The following FBXO7 variants were observed in gnomAD, a reference collection of about 807,000 sequenced individuals.
The protein encoded by FBXO7 is F-box only protein 7.
Under a neutral mutation model 50.2 loss-of-function variants are expected in FBXO7, and 31 were observed. The observed-to-expected ratio is 0.62, with a 90% confidence interval of 0.46 to 0.83. The LOEUF (loss-of-function observed/expected upper bound fraction) is 0.83, where lower values mean the gene tolerates loss of function less well. Ranked by LOEUF, FBXO7 falls within the 40% of genes least tolerant of loss-of-function variation. FBXO7 has a pLI of 0.00. For synonymous variants in FBXO7, 256 were observed against 253.1 expected (o/e 1.01, Z -0.11); for missense variants, 667 against 646.6 (o/e 1.03, Z -0.34).
chr22:32,482,285 T>C (rs1294634038), intron 2 of FBXO7, among the ~76,000 whole-genome samples: 2 of 152,212 alleles, frequency 1.3e-5, no homozygotes, highest in Non-Finnish European at 2.9e-5. Flanking sequence ...CTTTGGATCT[T>C]TTCCATAAGC....
intron 1 of FBXO7, chr22:32,475,406 A>C (rs776555635): frequency 5.6e-6 from 9 of 1,611,008 alleles, no homozygotes; most frequent in Non-Finnish European, 6.8e-6. Context: ...TCGGTGAGTC[A>C]TGGCTTCTGG....
At chr22:32,475,461 C>T (rs547959160) in intron 1 of FBXO7, 1 of 1,588,594 alleles carries the variant, frequency 6.3e-7, no homozygotes, top group Admixed American at 1.7e-5. Flanking sequence ...CGCACAATTT[C>T]CACAACTGGT....
At chr22:32,483,314 C>T (rs150183176) in intron 2 of FBXO7, among the ~76,000 whole-genome samples, 88 of 152,260 alleles carry the variant, frequency 5.8e-4, no homozygotes, top group African/African-American at 2.0e-3. Flanking sequence ...ACACTTATTC[C>T]GTGTGCACCA....
intron 8 of FBXO7, among the ~76,000 whole-genome samples, chr22:32,496,354 G>C (rs2146006824): frequency 6.6e-6 from 1 of 152,036 alleles, no homozygotes; most frequent in Non-Finnish European, 1.5e-5. Flanking sequence ...TGGTGGTGTG[G>C]ACCTGTAATC....
chr22:32,475,178 G>T, intron 1 of FBXO7, 54 bp downstream of exon 1: 1 of 1,527,388 alleles, frequency 6.5e-7, no homozygotes, highest in South Asian at 1.2e-5. Flanking sequence ...TGCTTGGGGT[G>T]GGTGCAGGGC....
At chr22:32,492,737 C>A in intron 6 of FBXO7, 2 of 267,584 alleles carry the variant, frequency 7.5e-6, no homozygotes, top group East Asian at 1.0e-4. Flanking sequence ...ATATAAAAGC[C>A]AGTGAATTAT....
chr22:32,490,840 C>T (rs2145999883), intron 5 of FBXO7: 1 of 461,512 alleles, frequency 2.2e-6, no homozygotes. Flanking sequence ...CAACTGCAGC[C>T]TATGAGCTAG....
chr22:32,494,094 T>C (rs568486468), intron 7 of FBXO7, among the ~76,000 whole-genome samples: 1 of 124,254 alleles, frequency 8.0e-6, no homozygotes, highest in African/African-American at 3.2e-5. Flanking sequence ...ATGTGGTGGG[T>C]AGATAGCTCC....
rs1206966123 is a variant in FBXO7 at position 32,498,176 on chromosome 22, A to G, written c.1215A>G (p.Glu405=). ...GGAAGAGGCACATACAAAGAAAAGA[A>G]TCCCCGAAAGGGCGGTTTGTGATGC... ...LYRKRHIQRK[E]SPKGRFVMLL... The change falls in exon 9 of 9, where the codon GAA becomes GAG. Residue 405 remains glutamate, a synonymous_variant. Coordinates refer to ENST00000266087, the MANE Select transcript of FBXO7 (RefSeq NM_012179.4). 1 of 1,614,128 alleles carries G rather than the reference A, an allele frequency of 6.2e-7. No homozygotes were observed. The highest frequency in any genetic ancestry group is 8.5e-7 in the Non-Finnish European group (1 of 1,180,050).
rs1214306569 is a variant in FBXO7, at chr22:32,498,177, T to C, written c.1216T>C (p.Ser406Pro). The C allele has an allele frequency of 1.2e-6, 2 of 1,614,048 alleles. No homozygotes were observed. The highest frequency in any genetic ancestry group is 1.7e-6 in the Non-Finnish European group (2 of 1,180,022). ...GAAGAGGCACATACAAAGAAAAGAATCCCCGAAAGGGCGGTTTGTGATGCT... is the reference window on the plus strand; with the variant it reads ...GAAGAGGCACATACAAAGAAAAGAACCCCCGAAAGGGCGGTTTGTGATGCT... ...YRKRHIQRKE[S>P]PKGRFVMLLP... The change falls in exon 9 of 9, where the codon TCC becomes CCC. Residue 406 changes from serine (S) to proline (P), a missense_variant. Transcript: ENST00000266087.
intron 5 of FBXO7, chr22:32,489,607 C>G (rs891023980): frequency 6.6e-6 from 1 of 152,180 alleles, no homozygotes; most frequent in African/African-American, 2.4e-5. Context: ...GGCTGACTCC[C>G]AGCCTTTTAA....
intron 4 of FBXO7, chr22:32,487,539 G>T (rs941868525): frequency 3.1e-5 from 16 of 510,418 alleles, no homozygotes; most frequent in African/African-American, 2.9e-4. Flanking sequence ...TTTAAAGGTG[G>T]TGTTGTAGAG....
intron 1 of FBXO7, chr22:32,475,406 A>T (rs776555635): frequency 8.7e-6 from 14 of 1,611,126 alleles, no homozygotes; most frequent in African/African-American, 1.3e-5. Context: ...TCGGTGAGTC[A>T]TGGCTTCTGG....
Position 32,498,293 on chromosome 22 carries a change from C to T in FBXO7, c.1332C>T (p.Ile444=), listed in dbSNP as rs755248108. 5.6e-6 allele frequency: 9 copies of T among 1,614,014 alleles called. No individual in the cohort carries two copies. The highest frequency in any genetic ancestry group is 1.3e-5 in the African/African-American group (1 of 74,902). ...GCTCCCGCCTTCCTCCAGGAATTAT[C>T]GGGGGTGAATATGACCAAAGACCAA... ...FPSSRLPPGI[I]GGEYDQRPTL... Residue 444 remains isoleucine (I), a synonymous_variant, in exon 9 of 9, where the codon ATC becomes ATT. Coordinates refer to ENST00000266087, the MANE Select transcript of FBXO7 (RefSeq NM_012179.4).
intron 4 of FBXO7, among the ~76,000 whole-genome samples, chr22:32,486,346 T>C (rs2057498474): frequency 6.6e-6 from 1 of 152,134 alleles, no homozygotes; most frequent in Non-Finnish European, 1.5e-5. Context: ...CTTTTTTCTT[T>C]TTTTTGAGAC....
intron 8 of FBXO7, among the ~76,000 whole-genome samples, chr22:32,496,897 C>G (rs2057578576): frequency 6.6e-6 from 1 of 152,202 alleles, no homozygotes; most frequent in Non-Finnish European, 1.5e-5. Flanking sequence ...ATTTAGCCTT[C>G]TAGATGCCAT....
intron 6 of FBXO7, chr22:32,492,820 G>A: frequency 4.5e-6 from 2 of 443,836 alleles, no homozygotes; most frequent in South Asian, 2.3e-5. Flanking sequence ...CCATTGGCTA[G>A]TATTTAGCAA....
At chr22:32,493,056 G>C (rs749770770) in intron 6 of FBXO7, 49 bp from the exon 7 acceptor site, 19 of 1,571,940 alleles carry the variant, frequency 1.2e-5, no homozygotes, top group Non-Finnish European at 1.7e-5. Flanking sequence ...GAGAAAGCCA[G>C]ATGTTCTTTA....
At chr22:32,493,030 C>T in intron 6 of FBXO7, 75 bp from the exon 7 acceptor site, 1 of 1,441,214 alleles carries the variant, frequency 6.9e-7, no homozygotes. Flanking sequence ...CAAGTGGCAA[C>T]TTTGTTGACT....
Sources: allele counts gnomAD v4.1 joint callset (sites outside exome capture counted in the v4.1 genomes callset), GRCh38; gene constraint gnomAD v4.1.1; transcripts MANE v1.5; gene names NCBI Gene and HGNC (gene_info 2026-07-23, HGNC 2026-07-21).